Variants in UBE3C observed in about 807,000 individuals in gnomAD.
The protein encoded by UBE3C is ubiquitin-protein ligase E3C.
In UBE3C, 42 loss-of-function variants were observed where a neutral mutation model predicts 129.4. That is an observed-to-expected ratio of 0.32 (90% confidence interval 0.25 to 0.42). The LOEUF (loss-of-function observed/expected upper bound fraction) is 0.42. UBE3C is among the 10% of genes least tolerant of loss of function. The pLI, the probability that UBE3C is intolerant of heterozygous loss-of-function variation, is 1.00. For synonymous variants in UBE3C, 510 were observed against 492.4 expected (o/e 1.04, Z -0.47); for missense variants, 1,049 against 1,319.1 (o/e 0.80, Z 3.17).
intron 2 of UBE3C, among the ~76,000 whole-genome samples, chr7:157,167,615 G>T (rs62491946): frequency 0.1 from 15,420 of 151,618 alleles, 899 homozygotes; most frequent in African/African-American, 0.14. Flanking sequence ...TCGGCTCACT[G>T]CAAGCTCCAC....
intron 1 of UBE3C, among the ~76,000 whole-genome samples, chr7:157,148,257 G>C (rs1310978101): frequency 6.6e-6 from 1 of 151,838 alleles, no homozygotes; most frequent in African/African-American, 2.4e-5. Flanking sequence ...CCCACCACCA[G>C]GCCTGGCTAA....
intron 19 of UBE3C, 151 bp from the exon 20 acceptor site, chr7:157,253,803 A>G: frequency 1.4e-6 from 1 of 718,276 alleles, no homozygotes; most frequent in Non-Finnish European, 2.2e-6. Flanking sequence ...CATCTGCACA[A>G]TGCTGTGCAT....
chr7:157,223,062 G>A (rs1265750842), intron 15 of UBE3C, 192 bp from the exon 16 acceptor site: 4 of 549,310 alleles, frequency 7.3e-6, no homozygotes, highest in Admixed American at 3.1e-5. Context: ...TTATGTGTTC[G>A]GGGAGCTACT....
intron 2 of UBE3C, among the ~76,000 whole-genome samples, chr7:157,166,809 G>A (rs1808227433): frequency 6.6e-6 from 1 of 151,686 alleles, no homozygotes; most frequent in Non-Finnish European, 1.5e-5. Flanking sequence ...TCTATTGTTG[G>A]AGAATTATTG....
At chr7:157,259,098 GCA>G (rs1796830961) in intron 22 of UBE3C, among the ~76,000 whole-genome samples, 1 of 152,346 alleles carries the variant, frequency 6.6e-6, no homozygotes, top group African/African-American at 2.4e-5. Context: ...TCCACTGGCT[GCA>G]CAGTGTGGTC....
chr7:157,224,932 T>A (rs1158677945), intron 16 of UBE3C, among the ~76,000 whole-genome samples: 3 of 152,244 alleles, frequency 2.0e-5, no homozygotes, highest in Non-Finnish European at 4.4e-5. Flanking sequence ...TACAGCTTTT[T>A]ACAAAGCTGT....
chr7:157,241,782 G>A (rs896935093), intron 18 of UBE3C, among the ~76,000 whole-genome samples: 4 of 152,180 alleles, frequency 2.6e-5, no homozygotes, highest in African/African-American at 9.7e-5. Flanking sequence ...GCTGACAAAC[G>A]GGTAAACAGA....
intron 10 of UBE3C, among the ~76,000 whole-genome samples, chr7:157,193,661 CT>C (rs35221804): frequency 0.079 from 11,108 of 140,612 alleles, 569 homozygotes; most frequent in African/African-American, 0.16. Flanking sequence ...AGAAATTTGT[CT>C]TTTTTTTTTT....
At chr7:157,264,169 A>T (rs1317629425) in intron 22 of UBE3C, among the ~76,000 whole-genome samples, 1 of 148,314 alleles carries the variant, frequency 6.7e-6, no homozygotes, top group African/African-American at 2.5e-5. Flanking sequence ...GTGAGCCAAC[A>T]TGTTCGGCCT....
At chr7:157,220,500 T>G (rs1352279272) in intron 14 of UBE3C, among the ~76,000 whole-genome samples, 189 bp from the exon 15 acceptor site, 1 of 152,166 alleles carries the variant, frequency 6.6e-6, no homozygotes, top group East Asian at 1.9e-4. Context: ...ACTGTAAAAG[T>G]ATGAAAGGAC....
At chr7:157,165,281 C>G (rs1808182407) in intron 2 of UBE3C, among the ~76,000 whole-genome samples, 3 of 151,900 alleles carry the variant, frequency 2.0e-5, no homozygotes, top group Admixed American at 2.0e-4. Context: ...TGCGTCGTTT[C>G]CCATATTTCC....
intron 11 of UBE3C, among the ~76,000 whole-genome samples, chr7:157,202,887 G>A (rs1809330236): frequency 6.6e-6 from 1 of 152,102 alleles, no homozygotes; most frequent in Admixed American, 6.6e-5. Flanking sequence ...AAGTGGTCTT[G>A]TTTTCTTTTT....
chr7:157,228,153 T>C (rs530360329), intron 17 of UBE3C, among the ~76,000 whole-genome samples: 1 of 152,358 alleles, frequency 6.6e-6, no homozygotes, highest in African/African-American at 2.4e-5. Context: ...CGTTGTCTTA[T>C]CTCCGAACGA....
At position 157,261,031 on chromosome 7, in the gene UBE3C, G is replaced by A. The variant is rs149571881; in HGVS notation, c.3081+3987G>A. On this transcript the variant is annotated intron_variant, in intron 22 of 22. Transcript: ENST00000348165. ...AATCCCAAATAGACTGGCCAGGTGCGGTGGCTCACACCTGTAATCCCAGCA... is the reference window on the plus strand; with the variant it reads ...AATCCCAAATAGACTGGCCAGGTGCAGTGGCTCACACCTGTAATCCCAGCA... Among the ~76,000 whole-genome samples, 1,456 of 152,104 alleles carry A rather than the reference G, an allele frequency of 9.6e-3. 24 individuals are homozygous for A. The highest frequency in any genetic ancestry group is 0.032 in the African/African-American group (1,345 of 41,484).
intron 4 of UBE3C, among the ~76,000 whole-genome samples, chr7:157,174,299 C>T (rs189214629): frequency 5.2e-4 from 79 of 152,082 alleles, no homozygotes; most frequent in East Asian, 3.5e-3. Flanking sequence ...TGAGAAATAC[C>T]GTATTTCTCA....
intron 1 of UBE3C, among the ~76,000 whole-genome samples, chr7:157,156,035 TAATC>T (rs1450691276): frequency 6.6e-6 from 1 of 152,190 alleles, no homozygotes; most frequent in Non-Finnish European, 1.5e-5. Flanking sequence ...AAAAACTTGT[TAATC>T]AATAGGAAGT....
At chr7:157,139,492 G>A (rs1807367904) in intron 1 of UBE3C, among the ~76,000 whole-genome samples, 154 bp downstream of exon 1, 1 of 150,782 alleles carries the variant, frequency 6.6e-6, no homozygotes, top group Non-Finnish European at 1.5e-5. Context: ...CTTCCTCGCC[G>A]GATCTCGGGG....
chr7:157,230,939 A>G (rs1796007671), intron 17 of UBE3C, 141 bp from the exon 18 acceptor site: 2 of 1,229,674 alleles, frequency 1.6e-6, no homozygotes, highest in East Asian at 2.3e-5. Context: ...AATAATGATA[A>G]TATCATTGCT....
intron 10 of UBE3C, among the ~76,000 whole-genome samples, chr7:157,190,476 A>G (rs771648925): frequency 1.3e-5 from 2 of 152,204 alleles, no homozygotes; most frequent in Non-Finnish European, 2.9e-5. Context: ...CGGCTACCAA[A>G]GCCACATTTC....
Sources: gnomAD v4.1 joint callset for allele counts (sites outside exome capture counted in the v4.1 genomes callset) on GRCh38, gnomAD v4.1.1 for gene constraint, MANE v1.5 for transcripts, NCBI Gene and HGNC (gene_info 2026-07-23, HGNC 2026-07-21) for gene names.